Variants in EPHA6 observed in about 807,000 individuals in gnomAD.
The protein encoded by EPHA6 is EPH receptor A6.
A neutral mutation model predicts 112.0 loss-of-function variants in EPHA6; 50 were observed. The ratio of observed to expected loss-of-function variants is 0.45; its 90% CI spans 0.36 to 0.56. The LOEUF is 0.56. Ranked by LOEUF, EPHA6 falls within the 20% of genes least tolerant of loss-of-function variation. The probability of loss-of-function intolerance (pLI) is 0.00; values close to 1 mark genes in which losing one functional copy is unlikely to be tolerated. For synonymous variants in EPHA6, 529 were observed against 490.7 expected (o/e 1.08, Z -1.03); for missense variants, 1,280 against 1,417.4 (o/e 0.90, Z 1.56).
intron 10 of EPHA6, among the ~76,000 whole-genome samples, chr3:97,522,319 T>G (rs1316530685): frequency 1.3e-5 from 2 of 152,206 alleles, no homozygotes; most frequent in Non-Finnish European, 2.9e-5. Context: ...TGATTTCTGT[T>G]TCTTTATTCA....
chr3:97,235,304 C>G (rs558679747), intron 4 of EPHA6, among the ~76,000 whole-genome samples: 54 of 152,198 alleles, frequency 3.5e-4, no homozygotes, highest in Non-Finnish European at 6.6e-4. Context: ...TAATTTCAAG[C>G]TCAACCTGAG....
chr3:97,418,443 G>C (rs2088317524), intron 6 of EPHA6, among the ~76,000 whole-genome samples: 1 of 151,924 alleles, frequency 6.6e-6, no homozygotes, highest in Non-Finnish European at 1.5e-5. Context: ...AGAGAAAGGG[G>C]ACATTTTAAA....
intron 3 of EPHA6, among the ~76,000 whole-genome samples, chr3:97,038,044 T>C (rs187899950): frequency 6.6e-6 from 1 of 151,998 alleles, no homozygotes; most frequent in Non-Finnish European, 1.5e-5. Context: ...ATACATAATG[T>C]ATATATTTTG....
intron 3 of EPHA6, among the ~76,000 whole-genome samples, chr3:97,118,994 A>C (rs1174226620): frequency 6.6e-6 from 1 of 152,004 alleles, no homozygotes; most frequent in African/African-American, 2.4e-5. Context: ...AGCCTCTATC[A>C]AGAAAAATTT....
chr3:97,249,632 G>C (rs998560863), intron 5 of EPHA6, among the ~76,000 whole-genome samples: 1 of 152,096 alleles, frequency 6.6e-6, no homozygotes, highest in African/African-American at 2.4e-5. Flanking sequence ...CGGTGTCACT[G>C]TCTCACTGGA....
At chr3:97,059,842 G>C (rs1235523837) in intron 3 of EPHA6, among the ~76,000 whole-genome samples, 2 of 151,942 alleles carry the variant, frequency 1.3e-5, no homozygotes, top group Non-Finnish European at 2.9e-5. Flanking sequence ...TAATGGCTGG[G>C]CGCAGTGGCT....
chr3:97,160,117 C>T (rs774852488), intron 3 of EPHA6, among the ~76,000 whole-genome samples: 3 of 152,042 alleles, frequency 2.0e-5, no homozygotes, highest in Admixed American at 6.6e-5. Context: ...ATCCTGCCAT[C>T]GTGGTCGCTT....
rs1291743934 is a variant in EPHA6, at chr3:97,482,818, A to G, written c.2075-1116A>G. Among the ~76,000 whole-genome samples, 4 of 152,220 alleles carry G rather than the reference A, an allele frequency of 2.6e-5. No individual in the cohort carries two copies. The East Asian group carries it at 7.7e-4, about 29-fold the overall frequency. On this transcript the variant is annotated intron_variant, in intron 9 of 17. Coordinates refer to ENST00000389672, the MANE Select transcript of EPHA6 (RefSeq NM_001080448.3). ...CCATCCACTCTGCCACAAATTTCAC[A>G]TTGGTCTTTTAATCCCTACTAGTTT...
intron 4 of EPHA6, among the ~76,000 whole-genome samples, chr3:97,233,921 T>A (rs984892426): frequency 6.6e-6 from 1 of 152,140 alleles, no homozygotes; most frequent in Admixed American, 6.6e-5. Flanking sequence ...TAGGAGGCAA[T>A]CATATAAATG....
intron 2 of EPHA6, among the ~76,000 whole-genome samples, chr3:96,883,354 T>A (rs1282200563): frequency 6.6e-6 from 1 of 152,186 alleles, no homozygotes; most frequent in Non-Finnish European, 1.5e-5. Context: ...AAGATTTTCT[T>A]CCAGTCTGTA....
intron 5 of EPHA6, among the ~76,000 whole-genome samples, chr3:97,274,762 G>C (rs1436132893): frequency 3.3e-5 from 5 of 152,154 alleles, no homozygotes; most frequent in Non-Finnish European, 5.9e-5. Flanking sequence ...GAACAGGAAA[G>C]AAGGAAATAT....
chr3:97,255,395 C>A (rs987471353), intron 5 of EPHA6, among the ~76,000 whole-genome samples: 1 of 152,164 alleles, frequency 6.6e-6, no homozygotes, highest in Non-Finnish European at 1.5e-5. Context: ...AAGCCACTAT[C>A]CCAAATAATG....
intron 3 of EPHA6, among the ~76,000 whole-genome samples, chr3:97,109,120 C>T (rs2047647481): frequency 6.6e-6 from 1 of 152,138 alleles, no homozygotes; most frequent in African/African-American, 2.4e-5. Flanking sequence ...AGAGAAAGAA[C>T]CATGATTTAT....
At chr3:97,051,947 A>C (rs1267122329) in intron 3 of EPHA6, among the ~76,000 whole-genome samples, 1 of 152,160 alleles carries the variant, frequency 6.6e-6, no homozygotes, top group Admixed American at 6.6e-5. Context: ...GAAGACTCCA[A>C]AGTCGTGATA....
chr3:97,240,210 A>G lies in EPHA6; in HGVS notation c.1271-3742A>G, dbSNP rs182340565. Among the ~76,000 whole-genome samples the G allele has an allele frequency of 8.6e-4, 131 of 152,016 alleles. 1 individual carries two copies. Among genetic ancestry groups the G allele is most frequent in the African/African-American group, 2.9e-3 (120 of 41,516 alleles). The stretch of plus-strand genomic sequence containing the variant: ...TCAATATCATATCAGTGAACATGAT[A>G]TTCACTGATACGTAAAAGCATTTAC... On this transcript the variant is annotated intron_variant, in intron 4 of 17. Coordinates refer to ENST00000389672, the MANE Select transcript of EPHA6 (RefSeq NM_001080448.3).
At chr3:97,200,529 C>T (rs535844251) in intron 3 of EPHA6, among the ~76,000 whole-genome samples, 1 of 152,210 alleles carries the variant, frequency 6.6e-6, no homozygotes, top group East Asian at 1.9e-4. Context: ...GTGGTGGTTT[C>T]AACCTGGCAA....
intron 5 of EPHA6, among the ~76,000 whole-genome samples, chr3:97,356,046 C>T (rs2084058370): frequency 6.6e-6 from 1 of 152,194 alleles, no homozygotes; most frequent in Non-Finnish European, 1.5e-5. Flanking sequence ...GCGAGCAAAG[C>T]TTCATCTGTA....
chr3:97,078,580 A>G (rs1249402773), intron 3 of EPHA6, among the ~76,000 whole-genome samples: 1 of 152,144 alleles, frequency 6.6e-6, no homozygotes, highest in Non-Finnish European at 1.5e-5. Context: ...TATAAGGTGT[A>G]AGGAAGGGAT....
chr3:97,576,527 G>T (rs2093387217), intron 11 of EPHA6, among the ~76,000 whole-genome samples: 2 of 152,142 alleles, frequency 1.3e-5, no homozygotes, highest in African/African-American at 4.8e-5. Context: ...TTGGGGGTTA[G>T]TGATTATTTT....
Sources: allele counts gnomAD v4.1 joint callset (sites outside exome capture counted in the v4.1 genomes callset), GRCh38; gene constraint gnomAD v4.1.1; transcripts MANE v1.5; gene names NCBI Gene and HGNC (gene_info 2026-07-23, HGNC 2026-07-21).